DENND1B: variants seen among roughly 807,000 people sequenced by gnomAD.
The protein encoded by DENND1B is DENN domain-containing protein 1B.
A neutral mutation model predicts 90.1 loss-of-function variants in DENND1B; 59 were observed. That is an observed-to-expected ratio of 0.65 (90% confidence interval 0.53 to 0.81). The LOEUF (loss-of-function observed/expected upper bound fraction) is 0.81, where lower values mean the gene tolerates loss of function less well. Ranked by LOEUF, DENND1B falls within the 40% of genes least tolerant of loss-of-function variation. DENND1B has a pLI of 0.00. For missense variants in DENND1B, 862 were observed against 912.6 expected (o/e 0.94, Z 0.71); for synonymous variants, 337 against 324.6 (o/e 1.04, Z -0.41).
At chr1:197,571,656 A>G (rs1673164594) in intron 15 of DENND1B, among the ~76,000 whole-genome samples, 1 of 152,142 alleles carries the variant, frequency 6.6e-6, no homozygotes, top group Non-Finnish European at 1.5e-5. Context: ...TTCCTTCACT[A>G]GAAATATCAG....
At chr1:197,665,995 TTCA>T (rs1654901477) in intron 5 of DENND1B, among the ~76,000 whole-genome samples, 1 of 152,160 alleles carries the variant, frequency 6.6e-6, no homozygotes, top group Non-Finnish European at 1.5e-5. Context: ...TGGAGAATGC[TTCA>T]GTATAAAGGC....
At chr1:197,703,586 T>C (rs1337860404) in intron 3 of DENND1B, among the ~76,000 whole-genome samples, 4 of 152,166 alleles carry the variant, frequency 2.6e-5, no homozygotes, top group African/African-American at 9.7e-5. Flanking sequence ...CTTAAAGTGT[T>C]TGGTCTTGAA....
intron 10 of DENND1B, among the ~76,000 whole-genome samples, chr1:197,630,316 G>C (rs1679214331): frequency 6.6e-6 from 1 of 152,048 alleles, no homozygotes; most frequent in Non-Finnish European, 1.5e-5. Flanking sequence ...GGTACCAGCA[G>C]ATTCAGTGCC....
intron 10 of DENND1B, among the ~76,000 whole-genome samples, chr1:197,627,627 G>A (rs1424209021): frequency 6.6e-6 from 1 of 152,044 alleles, no homozygotes; most frequent in African/African-American, 2.4e-5. Context: ...ACAAGACAGG[G>A]ATGCCCTCTC....
chr1:197,665,515 G>T (rs758290389), intron 5 of DENND1B, among the ~76,000 whole-genome samples: 1 of 152,132 alleles, frequency 6.6e-6, no homozygotes, highest in Non-Finnish European at 1.5e-5. Flanking sequence ...TGATGTTGCT[G>T]TTAATTAATT....
chr1:197,610,417 G>A lies in DENND1B; in HGVS notation c.819+1514C>T, dbSNP rs903426938. On this transcript the variant is annotated intron_variant, in intron 12 of 22. Transcript: ENST00000620048. Reference sequence around the variant, plus strand: ...TTTTATACAGTATTTTGGAAACGCTGAATCATTTGCTTTAAAAGTTGATGT... The same window carrying A: ...TTTTATACAGTATTTTGGAAACGCTAAATCATTTGCTTTAAAAGTTGATGT... Among the ~76,000 whole-genome samples the A allele has an allele frequency of 3.3e-5, 5 of 149,286 alleles. No homozygotes were observed. The South Asian group carries it at 1.1e-3, about 31-fold the overall frequency.
intron 2 of DENND1B, among the ~76,000 whole-genome samples, chr1:197,739,078 G>A (rs1037564649): frequency 1.3e-5 from 2 of 152,170 alleles, no homozygotes; most frequent in African/African-American, 4.8e-5. Flanking sequence ...ACACATATGA[G>A]GAAACTACCA....
chr1:197,548,499 T>C (rs766655394), intron 16 of DENND1B, among the ~76,000 whole-genome samples: 33 of 152,158 alleles, frequency 2.2e-4, no homozygotes, highest in Non-Finnish European at 3.7e-4. Context: ...GTATGGTACA[T>C]AGTATATTGA....
rs1667862579 is a variant in DENND1B, at chr1:197,509,121, A to AT, written c.*1338dup. On this transcript the variant is annotated 3_prime_UTR_variant, in exon 23 of 23. Transcript: ENST00000620048. Reference sequence around the variant, plus strand: ...ATCATGTTGACAGTACGTACCCTTGATATGACCTGATGAAAATGGCACTTT... The same window carrying AT: ...ATCATGTTGACAGTACGTACCCTTGATTATGACCTGATGAAAATGGCACTTT... 1 of 151,680 alleles carries AT rather than the reference A, an allele frequency of 6.6e-6. No individual in the cohort carries two copies. The highest frequency in any genetic ancestry group is 2.4e-5 in the African/African-American group (1 of 41,356). The allele number at this position is 151,680 out of a possible 1,614,324, so 9.4% of individuals were successfully genotyped here.
intron 3 of DENND1B, among the ~76,000 whole-genome samples, chr1:197,713,839 T>A (rs1417460301): frequency 7.4e-5 from 1 of 13,488 alleles, no homozygotes; most frequent in Non-Finnish European, 1.2e-4. Flanking sequence ...ATATAATATA[T>A]TATATTATAT....
At chr1:197,647,947 C>CAAAAAAAAAAAAA (rs5779884) in intron 7 of DENND1B, among the ~76,000 whole-genome samples, 1 of 78,658 alleles carries the variant, frequency 1.3e-5, no homozygotes. Context: ...AACTCCACTT[C>CAAAAAAAAAAAAA]AAAAAAAAAA....
At chr1:197,642,165 C>T (rs1372857826) in intron 10 of DENND1B, among the ~76,000 whole-genome samples, 1 of 152,062 alleles carries the variant, frequency 6.6e-6, no homozygotes, top group African/African-American at 2.4e-5. Context: ...TCCAAAAGAA[C>T]ATTTTAGTGA....
Position 197,663,536 on chromosome 1 carries a change from TG to T in DENND1B, c.297-5168del, listed in dbSNP as rs35284347. Among the ~76,000 whole-genome samples, 1,197 of 152,238 alleles carry T rather than the reference TG, an allele frequency of 7.9e-3. 10 individuals are homozygous for T. Among genetic ancestry groups the T allele is most frequent in the African/African-American group, 0.028 (1,147 of 41,552 alleles). On this transcript the variant is annotated intron_variant, in intron 5 of 22. Transcript: ENST00000620048. The stretch of plus-strand genomic sequence containing the variant: ...ATATTTTGTTTGGTCAACACTGTAC[TG>T]TTGTTTAATTAAATAAGTTGCCAAC...
chr1:197,564,395 C>CAAAAAAAAAAAAAAAAAAAAA (rs71131780), intron 15 of DENND1B, among the ~76,000 whole-genome samples: 1 of 63,156 alleles, frequency 1.6e-5, no homozygotes, highest in African/African-American at 6.4e-5. Context: ...CCTCCACCAG[C>CAAAAAAAAAAAAAAAAAAAAA]AAAAAAAAAA....
intron 2 of DENND1B, among the ~76,000 whole-genome samples, chr1:197,720,033 T>C (rs1173510553): frequency 2.0e-5 from 3 of 152,154 alleles, no homozygotes; most frequent in Admixed American, 2.0e-4. Context: ...TTTTGAAAAA[T>C]AGCAAATCAA....
chr1:197,633,711 T>C (rs570260869), intron 10 of DENND1B, among the ~76,000 whole-genome samples: 30 of 152,258 alleles, frequency 2.0e-4, no homozygotes, highest in Admixed American at 1.6e-3. Context: ...CCCCTGGCTC[T>C]TGCAGCACTT....
intron 20 of DENND1B, among the ~76,000 whole-genome samples, chr1:197,519,057 T>C (rs1668591986): frequency 6.6e-6 from 1 of 151,910 alleles, no homozygotes; most frequent in Admixed American, 6.6e-5. Context: ...TCCATAGAGA[T>C]GCAAGTAAAT....
At chr1:197,767,063 G>T (rs1655791230) in intron 2 of DENND1B, among the ~76,000 whole-genome samples, 1 of 151,900 alleles carries the variant, frequency 6.6e-6, no homozygotes, top group South Asian at 2.1e-4. Flanking sequence ...CAAAGTGCTG[G>T]AATTACAGGT....
intron 2 of DENND1B, among the ~76,000 whole-genome samples, chr1:197,770,712 A>AT (rs1399214897): frequency 1.4e-5 from 2 of 142,776 alleles, no homozygotes; most frequent in African/African-American, 5.1e-5. Context: ...ATAAATATAT[A>AT]AATATATATC....
Sources: gnomAD v4.1 joint callset for allele counts (sites outside exome capture counted in the v4.1 genomes callset) on GRCh38, gnomAD v4.1.1 for gene constraint, MANE v1.5 for transcripts, NCBI Gene and HGNC (gene_info 2026-07-23, HGNC 2026-07-21) for gene names.